The following ANKS1B variants were observed in gnomAD, a reference collection of about 807,000 sequenced individuals.
The protein encoded by ANKS1B is ankyrin repeat and sterile alpha motif domain-containing protein 1B.
Under a neutral mutation model 148.3 loss-of-function variants are expected in ANKS1B, and 36 were observed. The ratio of observed to expected loss-of-function variants is 0.24; its 90% confidence interval spans 0.19 to 0.32. The LOEUF (loss-of-function observed/expected upper bound fraction) is 0.32, where lower values mean the gene tolerates loss of function less well. Among genes scored for constraint, ANKS1B ranks in the 10% least tolerant of loss-of-function variants. ANKS1B has a pLI of 1.00. For missense variants in ANKS1B, 1,157 were observed against 1,542.6 expected (o/e 0.75, Z 4.19); for synonymous variants, 542 against 560.8 (o/e 0.97, Z 0.47).
At chr12:99,978,368 T>C (rs745417733) in intron 1 of ANKS1B, among the ~76,000 whole-genome samples, 24 of 152,182 alleles carry the variant, frequency 1.6e-4, no homozygotes, top group Non-Finnish European at 2.5e-4. Context: ...CCCTGCTCAG[T>C]GGAGAAAGAG....
intron 9 of ANKS1B, among the ~76,000 whole-genome samples, chr12:99,512,524 C>T (rs947251859): frequency 6.6e-6 from 1 of 152,084 alleles, no homozygotes; most frequent in Non-Finnish European, 1.5e-5. Flanking sequence ...GGAGAAAAAG[C>T]ATTTGACCCA....
intron 14 of ANKS1B, among the ~76,000 whole-genome samples, chr12:99,164,365 T>A (rs1414138528): frequency 6.6e-6 from 1 of 152,120 alleles, no homozygotes; most frequent in South Asian, 2.1e-4. Flanking sequence ...GTAATGACAA[T>A]CATGCTTGAT....
chr12:99,022,043 A>G (rs762574940), intron 17 of ANKS1B, among the ~76,000 whole-genome samples: 21 of 152,164 alleles, frequency 1.4e-4, no homozygotes, highest in South Asian at 2.1e-4. Flanking sequence ...AAATTTGTGT[A>G]TAGATTCTTT....
intron 17 of ANKS1B, among the ~76,000 whole-genome samples, chr12:98,991,593 A>G (rs2099926619): frequency 6.6e-6 from 1 of 152,226 alleles, no homozygotes; most frequent in Non-Finnish European, 1.5e-5. Context: ...AGTAACTAAC[A>G]GTTTTTCATG....
chr12:99,451,248 TA>T (rs2095730348), intron 10 of ANKS1B, among the ~76,000 whole-genome samples: 1 of 152,228 alleles, frequency 6.6e-6, no homozygotes, highest in Admixed American at 6.5e-5. Context: ...AAAAAATACT[TA>T]TAGTTTATTT....
intron 9 of ANKS1B, among the ~76,000 whole-genome samples, chr12:99,545,725 C>T (rs1015246165): frequency 6.7e-6 from 1 of 149,756 alleles, no homozygotes; most frequent in African/African-American, 2.4e-5. Flanking sequence ...TTTCCATGTA[C>T]CTTTTGCAAT....
At chr12:99,693,675 T>TA (rs1254059273) in intron 8 of ANKS1B, among the ~76,000 whole-genome samples, 1 of 152,018 alleles carries the variant, frequency 6.6e-6, no homozygotes, top group African/African-American at 2.4e-5. Context: ...AAATGAATGT[T>TA]AAAAAATAAA....
intron 10 of ANKS1B, among the ~76,000 whole-genome samples, chr12:99,495,870 T>C (rs2096599337): frequency 6.6e-6 from 1 of 152,216 alleles, no homozygotes; most frequent in African/African-American, 2.4e-5. Context: ...TCAAAAAATA[T>C]TTAGGTATAA....
chr12:99,236,164 T>C (rs755546682), intron 14 of ANKS1B, among the ~76,000 whole-genome samples: 3 of 152,214 alleles, frequency 2.0e-5, no homozygotes, highest in Non-Finnish European at 4.4e-5. Flanking sequence ...ATGATGCAGG[T>C]AGTTCATTCA....
At chr12:99,418,413 T>G (rs373684704) in intron 11 of ANKS1B, among the ~76,000 whole-genome samples, 1 of 152,222 alleles carries the variant, frequency 6.6e-6, no homozygotes, top group East Asian at 1.9e-4. Context: ...GTATTTTTAA[T>G]TTCTGTGTAT....
intron 1 of ANKS1B, among the ~76,000 whole-genome samples, chr12:99,875,451 CTT>C (rs1689399263): frequency 6.6e-6 from 1 of 150,926 alleles, no homozygotes; most frequent in Non-Finnish European, 1.5e-5. Context: ...AAAAAAAAGT[CTT>C]ATATAAACCA....
At chr12:99,181,125 C>G (rs1346433228) in intron 14 of ANKS1B, among the ~76,000 whole-genome samples, 2 of 152,124 alleles carry the variant, frequency 1.3e-5, no homozygotes, top group Admixed American at 1.3e-4. Flanking sequence ...ATTTCTGAAG[C>G]CTTGTGTGTC....
At chr12:99,248,485 A>G (rs1243841760) in intron 12 of ANKS1B, among the ~76,000 whole-genome samples, 1 of 152,148 alleles carries the variant, frequency 6.6e-6, no homozygotes, top group African/African-American at 2.4e-5. Context: ...TATTATACTC[A>G]CTGTCTTCTC....
chr12:99,877,775 C>T (rs1184429838), intron 1 of ANKS1B, among the ~76,000 whole-genome samples: 3 of 152,226 alleles, frequency 2.0e-5, no homozygotes, highest in African/African-American at 7.2e-5. Flanking sequence ...AAATAGGGAA[C>T]CTGACCAGGT....
At position 99,469,453 on chromosome 12, in the gene ANKS1B, T is replaced by TA. The variant is rs200648364; in HGVS notation, c.1439-25645dup. On this transcript the variant is annotated intron_variant, in intron 10 of 26. Coordinates refer to ENST00000683438, the MANE Select transcript of ANKS1B (RefSeq NM_001352186.2). Reference sequence around the variant, plus strand: ...CTTAAAGTATAATAATAATAAAATTTAAAAAAAAATTCAAATGTTTCCTCT... The same window carrying TA: ...CTTAAAGTATAATAATAATAAAATTTAAAAAAAAAATTCAAATGTTTCCTCT... Among the ~76,000 whole-genome samples, 552 of 151,374 alleles carry TA rather than the reference T, an allele frequency of 3.6e-3. 4 individuals carry two copies. Among genetic ancestry groups the TA allele is most frequent in the Middle Eastern group, 6.8e-3 (2 of 294 alleles).
chr12:99,007,351 C>T (rs775453229), intron 17 of ANKS1B, among the ~76,000 whole-genome samples: 2 of 152,240 alleles, frequency 1.3e-5, no homozygotes, highest in Non-Finnish European at 2.9e-5. Flanking sequence ...CAAGTAAATA[C>T]TAGGCCTGTT....
intron 21 of ANKS1B, among the ~76,000 whole-genome samples, chr12:98,799,975 ACGGGGATGGGAAC>A (rs1394702900): frequency 6.6e-6 from 1 of 152,078 alleles, no homozygotes; most frequent in African/African-American, 2.4e-5. Flanking sequence ...CTCTGCAGAG[ACGGGGATGGGAAC>A]CACTCTTGTG....
At chr12:99,911,874 A>G (rs1412446274) in intron 1 of ANKS1B, among the ~76,000 whole-genome samples, 2 of 152,248 alleles carry the variant, frequency 1.3e-5, no homozygotes, top group Non-Finnish European at 2.9e-5. Flanking sequence ...TGATACCATC[A>G]TGACACCTAA....
chr12:99,483,426 T>C (rs996148625), intron 10 of ANKS1B, among the ~76,000 whole-genome samples: 25 of 152,100 alleles, frequency 1.6e-4, no homozygotes, highest in African/African-American at 5.5e-4. Context: ...TTTTTGCATC[T>C]ACGTTCATCA....
Sources: allele counts gnomAD v4.1 joint callset (sites outside exome capture counted in the v4.1 genomes callset), GRCh38; gene constraint gnomAD v4.1.1; transcripts MANE v1.5; gene names NCBI Gene and HGNC (gene_info 2026-07-23, HGNC 2026-07-21).